Variants in BLM observed in about 807,000 individuals in gnomAD.
The protein encoded by BLM is recQ-like DNA helicase BLM.
BLM carries 95 observed loss-of-function variants against 135.3 expected under a neutral mutation model. The observed-to-expected ratio is 0.70, with a 90% CI of 0.59 to 0.83. BLM has a LOEUF of 0.83. Ranked by LOEUF, BLM falls within the 40% of genes least tolerant of loss-of-function variation. The pLI, the probability that BLM is intolerant of heterozygous loss-of-function variation, is 0.00. For missense variants in BLM, 1,518 were observed against 1,663.9 expected, an observed-to-expected ratio of 0.91 and a Z score of 1.53; for synonymous variants, 520 against 589.2, an observed-to-expected ratio of 0.88 and a Z score of 1.70.
chr15:90,770,003 C>G (rs1896261003), intron 12 of BLM, among the ~76,000 whole-genome samples: 1 of 152,090 alleles, frequency 6.6e-6, no homozygotes, highest in South Asian at 2.1e-4. Flanking sequence ...GATGACCCTG[C>G]TTTGTCATTT....
intron 2 of BLM, 57 bp from the exon 3 acceptor site, chr15:90,749,310 A>C (rs941543850): frequency 1.1e-5 from 15 of 1,318,206 alleles, no homozygotes; most frequent in Non-Finnish European, 1.6e-5. Context: ...AGTTTTGTAG[A>C]GTTGGGGGGT....
chr15:90,811,956 C>T (rs982399841), intron 21 of BLM, among the ~76,000 whole-genome samples: 2 of 152,194 alleles, frequency 1.3e-5, no homozygotes, highest in African/African-American at 4.8e-5. Flanking sequence ...CCGCACTCAG[C>T]CTGACTAATG....
In BLM at chr15:90,798,297, T is replaced by C; in HGVS notation, c.3318T>C (p.Ser1106=). 1 of 1,613,178 alleles carries C rather than the reference T, an allele frequency of 6.2e-7. No individual in the cohort carries two copies. The highest frequency in any genetic ancestry group is 1.7e-5 in the Admixed American group (1 of 59,966). The change falls in exon 17 of 22, where the codon TCT becomes TCC. Residue 1106 remains serine, a synonymous_variant. Coordinates refer to ENST00000355112, the MANE Select transcript of BLM (RefSeq NM_000057.4). ...GMRNIKHVGP[S]GRFTMNMLVD... is the part of the protein sequence containing the mutation. ...GAAATATAAAACATGTAGGTCCTTCTGGAAGATTTACTATGAATATGCTGG... is the reference window on the plus strand; with the variant it reads ...GAAATATAAAACATGTAGGTCCTTCCGGAAGATTTACTATGAATATGCTGG...
chr15:90,750,826 T>G (rs1294633555), intron 3 of BLM, among the ~76,000 whole-genome samples: 2 of 152,218 alleles, frequency 1.3e-5, no homozygotes, highest in Non-Finnish European at 2.9e-5. Context: ...TAGGTATGTA[T>G]GTATAGGAAA....
At position 90,766,939 on chromosome 15, in the gene BLM, G is replaced by T; in HGVS notation, c.2223G>T (p.Lys741Asn). ...DIPATYLTGD[K>N]TDSEATNIYL... Reference sequence around the variant, plus strand: ...CAGCTACATATCTGACAGGTGATAAGACTGACTCAGAAGCTACAAATATTT... The same window carrying T: ...CAGCTACATATCTGACAGGTGATAATACTGACTCAGAAGCTACAAATATTT... The change falls in exon 10 of 22, where the codon AAG (lysine) becomes AAT (asparagine). Residue 741 changes from lysine to asparagine, a missense_variant. By Grantham distance (94) the Lys-to-Asn change is moderately conservative. Coordinates refer to ENST00000355112, the MANE Select transcript of BLM (RefSeq NM_000057.4). The T allele has an allele frequency of 6.2e-7, 1 of 1,604,242 alleles. No individual in the cohort carries two copies. The highest frequency in any genetic ancestry group is 1.1e-5 in the South Asian group (1 of 90,386).
chr15:90,750,214 A>G, intron 3 of BLM, 147 bp downstream of exon 3: 1 of 881,526 alleles, frequency 1.1e-6, no homozygotes, highest in Non-Finnish European at 1.8e-6. Flanking sequence ...TCTGTTGGCC[A>G]CATTTTTGAG....
At chr15:90,798,155 A>T in intron 16 of BLM, 35 bp from the exon 17 acceptor site, 3 of 1,557,410 alleles carry the variant, frequency 1.9e-6, no homozygotes, top group Non-Finnish European at 2.6e-6. Flanking sequence ...TTGTTACCTT[A>T]ATTATAGCAG....
In BLM at chr15:90,811,316, A is replaced by C; in HGVS notation, c.3986A>C (p.Lys1329Thr). Residue 1329 changes from lysine (K) to threonine (T), a missense_variant, in exon 21 of 22, where the codon AAA becomes ACA. Coordinates refer to ENST00000355112, the MANE Select transcript of BLM (RefSeq NM_000057.4). ...GTATCTTCCCACTACTTTGCAAGTA[A>C]AACCAGAAATGAAAGGAAGAGGAAA... ...IPVSSHYFAS[K>T]TRNERKRKKM... The C allele has an allele frequency of 6.2e-7, 1 of 1,614,242 alleles. No homozygotes were observed. Among genetic ancestry groups the C allele is most frequent in the South Asian group, 1.1e-5 (1 of 91,084 alleles).
chr15:90,758,183 G>A (rs1895870128), intron 5 of BLM, among the ~76,000 whole-genome samples: 1 of 151,662 alleles, frequency 6.6e-6, no homozygotes, highest in Non-Finnish European at 1.5e-5. Context: ...CCCAGGCGCA[G>A]CTGAGGTTTT....
intron 1 of BLM, among the ~76,000 whole-genome samples, chr15:90,733,446 A>G (rs1314298160): frequency 6.6e-6 from 1 of 152,210 alleles, no homozygotes; most frequent in Non-Finnish European, 1.5e-5. Context: ...AAATTCTACT[A>G]CATTTATGGA....
rs560543558 is a variant in BLM at position 90,744,285 on chromosome 15, C to T, written c.-4-3104C>T. 1.2e-4 allele frequency among the ~76,000 whole-genome samples: 18 copies of T among 152,274 alleles called. 1 individual carries two copies. Among genetic ancestry groups the T allele is most frequent in the Non-Finnish European group, 2.4e-4 (16 of 68,018 alleles). ...AGTCTGACTTCACTCTTTATCACTT[C>T]GTATTTATTCATGTGGGAAAGACTC... is the stretch of plus-strand genomic sequence containing the variant. On this transcript the variant is annotated intron_variant, in intron 1 of 21. Transcript: ENST00000355112.
intron 1 of BLM, among the ~76,000 whole-genome samples, chr15:90,725,966 T>G (rs1473201319): frequency 1.3e-5 from 2 of 152,050 alleles, no homozygotes; most frequent in Non-Finnish European, 2.9e-5. Flanking sequence ...TTAAGTGGAT[T>G]TAACATAATT....
chr15:90,802,138 A>G (rs1037351379), intron 17 of BLM, among the ~76,000 whole-genome samples: 28 of 152,234 alleles, frequency 1.8e-4, no homozygotes, highest in African/African-American at 6.8e-4. Context: ...GCCTATCATT[A>G]GCAGAACGGT....
At chr15:90,752,071 G>A in intron 4 of BLM, 125 bp downstream of exon 4, 1 of 943,820 alleles carries the variant, frequency 1.1e-6, no homozygotes, top group Non-Finnish European at 1.5e-6. Context: ...TTACATTCAA[G>A]TGAAAGCCTC....
rs555713061 is a variant in BLM, at chr15:90,808,977, T to C, written c.3752-160T>C. ...GCCCTCTGTGCCTGTCTGCTGCCTC[T>C]GAGGTGCTAACTTTGCCTTTTACAA... On this transcript the variant is annotated intron_variant, in intron 19 of 21. Coordinates refer to ENST00000355112, the MANE Select transcript of BLM (RefSeq NM_000057.4). 10 of 922,060 alleles carry C rather than the reference T, an allele frequency of 1.1e-5. No homozygotes were observed. The South Asian group carries it at 1.3e-4, about 12-fold the overall frequency. 57.1% of individuals were successfully genotyped at this position (922,060 alleles called of 1,614,324 possible).
intron 1 of BLM, among the ~76,000 whole-genome samples, chr15:90,723,299 T>C (rs1161702090): frequency 6.6e-6 from 1 of 152,032 alleles, no homozygotes; most frequent in Non-Finnish European, 1.5e-5. Flanking sequence ...TTTGCGTTAT[T>C]ATGTTTGTGA....
chr15:90,744,679 AC>A (rs1287095144), intron 1 of BLM, among the ~76,000 whole-genome samples: 56 of 151,768 alleles, frequency 3.7e-4, no homozygotes, highest in African/African-American at 1.3e-3. Context: ...CAAGATCAAT[AC>A]TTTTAAACTG....
chr15:90,813,848 C>G (rs1235450142), intron 21 of BLM, among the ~76,000 whole-genome samples: 2 of 152,222 alleles, frequency 1.3e-5, no homozygotes, highest in East Asian at 3.8e-4. Flanking sequence ...AAATGTGGCT[C>G]TCTGCCAGCA....
At chr15:90,783,051 T>A in intron 13 of BLM, 123 bp downstream of exon 13, 9 of 750,294 alleles carry the variant, frequency 1.2e-5, no homozygotes, top group Non-Finnish European at 1.8e-5. Context: ...AACTTGCTCT[T>A]TATAGAGCAG....
Sources: allele counts gnomAD v4.1 joint callset (sites outside exome capture counted in the v4.1 genomes callset), GRCh38; gene constraint gnomAD v4.1.1; transcripts MANE v1.5; gene names NCBI Gene and HGNC (gene_info 2026-07-23, HGNC 2026-07-21).